Variants in MNAT1 observed in about 807,000 individuals in gnomAD.
MNAT1 encodes MNAT1 component of CDK activating kinase, also known as CDK-activating kinase assembly factor MAT1.
Under a neutral mutation model 42.0 loss-of-function variants are expected in MNAT1, and 43 were observed. The observed-to-expected ratio is 1.02, with a 90% confidence interval of 0.80 to 1.32. The LOEUF (loss-of-function observed/expected upper bound fraction) is 1.32. MNAT1 is among the 40% of genes most tolerant of loss of function. The pLI is 0.00. For synonymous variants in MNAT1, 118 were observed against 120.0 expected, an observed-to-expected ratio of 0.98 and a Z score of 0.11; for missense variants, 306 against 350.4, an observed-to-expected ratio of 0.87 and a Z score of 1.01.
At chr14:60,802,741 G>A (rs962239337) in intron 3 of MNAT1, among the ~76,000 whole-genome samples, 3 of 152,134 alleles carry the variant, frequency 2.0e-5, no homozygotes, top group African/African-American at 4.8e-5. Flanking sequence ...CCATGCAGTT[G>A]TATGGTGTTA....
chr14:60,909,587 TC>T (rs2035298293), intron 7 of MNAT1, among the ~76,000 whole-genome samples: 1 of 152,078 alleles, frequency 6.6e-6, no homozygotes, highest in South Asian at 2.1e-4. Context: ...GGGAATCCTT[TC>T]CCCATTGCTT....
intron 7 of MNAT1, among the ~76,000 whole-genome samples, chr14:60,953,176 A>C (rs1420315483): frequency 6.6e-6 from 1 of 152,170 alleles, no homozygotes; most frequent in African/African-American, 2.4e-5. Context: ...AAGGGTATAC[A>C]TAGTATTTGT....
At chr14:60,742,825 G>C (rs148924121) in intron 1 of MNAT1, among the ~76,000 whole-genome samples, 280 of 152,280 alleles carry the variant, frequency 1.8e-3, no homozygotes, top group African/African-American at 6.6e-3. Context: ...GCATGTATGA[G>C]TACAACATTT....
intron 7 of MNAT1, among the ~76,000 whole-genome samples, chr14:60,945,144 A>C (rs775308141): frequency 1.3e-5 from 2 of 152,198 alleles, no homozygotes; most frequent in African/African-American, 4.8e-5. Context: ...TTAGTAGTAT[A>C]CTTTCTTGTT....
At chr14:60,772,192 C>T (rs2031084895) in intron 1 of MNAT1, among the ~76,000 whole-genome samples, 1 of 152,126 alleles carries the variant, frequency 6.6e-6, no homozygotes, top group African/African-American at 2.4e-5. Context: ...AGGCTAGGAG[C>T]TCAAGGCTGC....
At chr14:60,903,373 C>A (rs1338068792) in intron 7 of MNAT1, among the ~76,000 whole-genome samples, 1 of 152,054 alleles carries the variant, frequency 6.6e-6, no homozygotes, top group Non-Finnish European at 1.5e-5. Flanking sequence ...AGAATTTCAG[C>A]TGAAAACTTC....
chr14:60,742,995 C>A (rs1477895136), intron 1 of MNAT1, among the ~76,000 whole-genome samples: 1 of 152,092 alleles, frequency 6.6e-6, no homozygotes, highest in African/African-American at 2.4e-5. Context: ...GTTTTTGTTT[C>A]TCTCATGTAT....
chr14:60,793,513 C>A (rs985443843), intron 1 of MNAT1, among the ~76,000 whole-genome samples: 2 of 152,076 alleles, frequency 1.3e-5, no homozygotes, highest in African/African-American at 4.8e-5. Context: ...CAGGCATGCA[C>A]CACCACATCT....
intron 5 of MNAT1, among the ~76,000 whole-genome samples, chr14:60,815,017 C>A (rs2032666750): frequency 6.6e-6 from 1 of 151,874 alleles, no homozygotes; most frequent in Non-Finnish European, 1.5e-5. Context: ...AGATTCTTCC[C>A]CTTATCATTT....
In MNAT1 at chr14:60,740,561, T is replaced by G. The variant is rs1018558330; in HGVS notation, c.89+5610T>G. On this transcript the variant is annotated intron_variant, in intron 1 of 7. Transcript: ENST00000261245. The surrounding 1 kb of genome is among the most constrained non-coding windows in gnomAD (Gnocchi z 4.1). ...GATAAGAATAATAAGTGGTGTTAAC[T>G]CATTTAATATACTGATCTTATTCAG... Among the ~76,000 whole-genome samples the G allele has an allele frequency of 4.6e-5, 7 of 152,248 alleles. No homozygotes were observed. The highest frequency in any genetic ancestry group is 1.0e-4 in the Non-Finnish European group (7 of 68,042).
In MNAT1 at chr14:60,829,266, C is replaced by T. The variant is rs116908856; in HGVS notation, c.687+10419C>T. ...CTACAAACGTTTTAGGAGATGAGTACCAGGAAATGGGATGAAAACCATTTG... is the reference window on the plus strand; with the variant it reads ...CTACAAACGTTTTAGGAGATGAGTATCAGGAAATGGGATGAAAACCATTTG... On this transcript the variant is annotated intron_variant, in intron 6 of 7. Coordinates refer to ENST00000261245, the MANE Select transcript of MNAT1 (RefSeq NM_002431.4). Among the ~76,000 whole-genome samples, 53 of 152,080 alleles carry T rather than the reference C, an allele frequency of 3.5e-4. No homozygotes were observed. In the East Asian group the frequency reaches 9.9e-3, roughly 28 times the overall value.
At chr14:60,906,863 C>G (rs1464030377) in intron 7 of MNAT1, among the ~76,000 whole-genome samples, 1 of 152,022 alleles carries the variant, frequency 6.6e-6, no homozygotes, top group East Asian at 1.9e-4. Flanking sequence ...TATATGTAAG[C>G]TATTAACATC....
At chr14:60,946,668 T>C (rs2036282661) in intron 7 of MNAT1, among the ~76,000 whole-genome samples, 1 of 152,094 alleles carries the variant, frequency 6.6e-6, no homozygotes, top group African/African-American at 2.4e-5. Flanking sequence ...GTGTGTATGG[T>C]AGGCTCTTTT....
At chr14:60,961,848 G>A (rs4151402) in intron 7 of MNAT1, among the ~76,000 whole-genome samples, 6,089 of 152,108 alleles carry the variant, frequency 0.04, 191 homozygotes, top group Non-Finnish European at 0.063. Context: ...AAGATATGAT[G>A]AAAATTCTGG....
intron 7 of MNAT1, among the ~76,000 whole-genome samples, chr14:60,882,891 A>G (rs2034581539): frequency 6.6e-6 from 1 of 152,130 alleles, no homozygotes; most frequent in Non-Finnish European, 1.5e-5. Context: ...TCCTTTGAGA[A>G]ATGTATGTTC....
At chr14:60,949,970 A>T (rs890876553) in intron 7 of MNAT1, among the ~76,000 whole-genome samples, 2 of 152,154 alleles carry the variant, frequency 1.3e-5, no homozygotes, top group East Asian at 3.8e-4. Flanking sequence ...TAGTCCTTTG[A>T]CTTAGATATT....
chr14:60,768,192 C>T (rs186320229), intron 1 of MNAT1, among the ~76,000 whole-genome samples: 50 of 152,260 alleles, frequency 3.3e-4, no homozygotes, highest in Admixed American at 1.6e-3. Context: ...TGAGCCACCG[C>T]GCCTGGCCCA....
intron 7 of MNAT1, among the ~76,000 whole-genome samples, chr14:60,928,169 A>C (rs1352700578): frequency 6.6e-6 from 1 of 152,200 alleles, no homozygotes; most frequent in Non-Finnish European, 1.5e-5. Flanking sequence ...TCTGAGGTTC[A>C]TATTGTAGTA....
intron 7 of MNAT1, among the ~76,000 whole-genome samples, chr14:60,938,543 A>T (rs145469586): frequency 0.018 from 2,665 of 152,188 alleles, 42 homozygotes; most frequent in East Asian, 0.096. Context: ...TGATTTGTGT[A>T]TGTTGAACCA....
Sources: allele counts gnomAD v4.1 joint callset (sites outside exome capture counted in the v4.1 genomes callset), GRCh38; gene constraint gnomAD v4.1.1; non-coding constraint Gnocchi (gnomAD v3.1); transcripts MANE v1.5; gene names NCBI Gene and HGNC (gene_info 2026-07-23, HGNC 2026-07-21).